SRPK2: variants seen among roughly 807,000 people sequenced by gnomAD.
SRPK2 encodes the protein SRSF protein kinase 2.
Under a neutral mutation model 90.8 loss-of-function variants are expected in SRPK2, and 21 were observed. The ratio of observed to expected loss-of-function variants is 0.23; its 90% CI spans 0.16 to 0.33. The LOEUF (loss-of-function observed/expected upper bound fraction) is 0.33. Among genes scored for constraint, SRPK2 ranks in the 10% least tolerant of loss-of-function variants. SRPK2 has a pLI of 1.00. For synonymous variants in SRPK2, 288 were observed against 311.1 expected, an observed-to-expected ratio of 0.93 and a Z score of 0.78; for missense variants, 620 against 869.0, an observed-to-expected ratio of 0.71 and a Z score of 3.60.
intron 2 of SRPK2, among the ~76,000 whole-genome samples, chr7:105,224,624 AATAAC>A (rs1798497738): frequency 6.6e-6 from 1 of 152,192 alleles, no homozygotes; most frequent in East Asian, 1.9e-4. Context: ...TAATAATAAT[AATAAC>A]TTTAAGATAT....
intron 2 of SRPK2, among the ~76,000 whole-genome samples, chr7:105,344,174 CA>C (rs1254255664): frequency 1.3e-5 from 2 of 152,126 alleles, no homozygotes; most frequent in Non-Finnish European, 2.9e-5. Context: ...GCTTTGTAAG[CA>C]ATATGGTCTC....
rs191199282 is a variant in SRPK2 at position 105,346,646 on chromosome 7, C to T, written c.71+42002G>A. Among the ~76,000 whole-genome samples, 6 of 151,970 alleles carry T rather than the reference C, an allele frequency of 3.9e-5. No individual in the cohort carries two copies. The East Asian group carries it at 1.2e-3, about 29-fold the overall frequency. On this transcript the variant is annotated intron_variant, in intron 2 of 15. Transcript: ENST00000393651. ...GTGTGCGCCTGTAGTCCCAGCTACT[C>T]GGAAGGCTGAGGCAGAAGAACTGAT...
intron 2 of SRPK2, among the ~76,000 whole-genome samples, chr7:105,331,729 T>C (rs955829087): frequency 6.6e-6 from 1 of 152,012 alleles, no homozygotes; most frequent in Non-Finnish European, 1.5e-5. Context: ...ACAAAAAGTG[T>C]ACGGAAAGTT....
intron 2 of SRPK2, among the ~76,000 whole-genome samples, chr7:105,251,881 T>A (rs1802526355): frequency 6.6e-6 from 1 of 152,194 alleles, no homozygotes; most frequent in Non-Finnish European, 1.5e-5. Context: ...CTAAATTCAG[T>A]GTCGTGGCTT....
chr7:105,229,981 ACTGAACTGGAT>A (rs776917602), intron 2 of SRPK2, among the ~76,000 whole-genome samples: 13 of 152,188 alleles, frequency 8.5e-5, no homozygotes, highest in Admixed American at 2.0e-4. Context: ...AAGACGTGGG[ACTGAACTGGAT>A]CTGACATATA....
At chr7:105,151,860 C>G (rs1373953616) in intron 7 of SRPK2, among the ~76,000 whole-genome samples, 5 of 151,978 alleles carry the variant, frequency 3.3e-5, no homozygotes, top group Non-Finnish European at 7.4e-5. Flanking sequence ...CCCCTCTCTA[C>G]TAAAAATACA....
chr7:105,125,269 A>G lies in SRPK2; in HGVS notation c.1915+979T>C, dbSNP rs569545988. ...AACAGTTGGAAGATCAGTAAGAACT[A>G]CAACATGAAAATAATCACCTTAATA... On this transcript the variant is annotated intron_variant, in intron 15 of 15. Transcript: ENST00000393651. Among the ~76,000 whole-genome samples the G allele has an allele frequency of 2.6e-4, 39 of 152,308 alleles. 1 individual carries two copies. In the South Asian group the frequency reaches 7.7e-3, roughly 30 times the overall value.
chr7:105,151,101 T>A (rs985308335), intron 7 of SRPK2, among the ~76,000 whole-genome samples: 1 of 152,160 alleles, frequency 6.6e-6, no homozygotes, highest in African/African-American at 2.4e-5. Context: ...CAGATTTTTT[T>A]TAAAAAAAAT....
At chr7:105,219,443 T>A (rs1797845576) in intron 2 of SRPK2, among the ~76,000 whole-genome samples, 1 of 152,130 alleles carries the variant, frequency 6.6e-6, no homozygotes, top group African/African-American at 2.4e-5. Context: ...ACAGAATTAC[T>A]TTTTTCACCC....
intron 3 of SRPK2, among the ~76,000 whole-genome samples, chr7:105,171,128 G>C (rs1376802598): frequency 6.6e-6 from 1 of 152,024 alleles, no homozygotes; most frequent in Non-Finnish European, 1.5e-5. Context: ...CAGCTATAGA[G>C]GGCACCCTAT....
chr7:105,276,965 A>G (rs1288454295), intron 2 of SRPK2, among the ~76,000 whole-genome samples: 1 of 151,972 alleles, frequency 6.6e-6, no homozygotes, highest in Non-Finnish European at 1.5e-5. Flanking sequence ...TCCTAACTCT[A>G]CTTCTCCTGC....
At chr7:105,382,246 T>C (rs746522796) in intron 2 of SRPK2, among the ~76,000 whole-genome samples, 23 of 150,196 alleles carry the variant, frequency 1.5e-4, no homozygotes, top group East Asian at 4.1e-4. Context: ...AATGGAATAC[T>C]TGTTACCAAT....
intron 13 of SRPK2, among the ~76,000 whole-genome samples, chr7:105,128,784 A>G (rs945083461): frequency 2.0e-5 from 3 of 152,142 alleles, no homozygotes; most frequent in Non-Finnish European, 4.4e-5. Context: ...GCTGGACTCA[A>G]CCTCTTGGGC....
At chr7:105,242,404 C>T (rs1800934189) in intron 2 of SRPK2, among the ~76,000 whole-genome samples, 2 of 151,968 alleles carry the variant, frequency 1.3e-5, no homozygotes, top group East Asian at 1.9e-4. Flanking sequence ...CCCAGCTACT[C>T]GGGAGGCTGA....
At chr7:105,280,191 G>A (rs1807076073) in intron 2 of SRPK2, among the ~76,000 whole-genome samples, 1 of 152,144 alleles carries the variant, frequency 6.6e-6, no homozygotes, top group African/African-American at 2.4e-5. Flanking sequence ...GAAGTGGGCA[G>A]ATTGCTTCAG....
chr7:105,182,736 G>A (rs527377301), intron 3 of SRPK2, among the ~76,000 whole-genome samples: 1 of 152,254 alleles, frequency 6.6e-6, no homozygotes, highest in Admixed American at 6.5e-5. Flanking sequence ...CCAAAGTGCT[G>A]GGATTACAGG....
intron 7 of SRPK2, among the ~76,000 whole-genome samples, chr7:105,150,447 C>T (rs1022395971): frequency 3.9e-5 from 6 of 152,108 alleles, no homozygotes; most frequent in Non-Finnish European, 7.4e-5. Context: ...AGGCACAAGG[C>T]GGAGGTCACA....
intron 3 of SRPK2, among the ~76,000 whole-genome samples, chr7:105,200,418 A>G (rs914416904): frequency 2.0e-5 from 3 of 152,336 alleles, no homozygotes; most frequent in African/African-American, 4.8e-5. Context: ...ATCAAAACAT[A>G]TAAGGAGAGT....
chr7:105,138,158 A>G (rs1803164182), intron 11 of SRPK2, among the ~76,000 whole-genome samples: 1 of 152,236 alleles, frequency 6.6e-6, no homozygotes, highest in African/African-American at 2.4e-5. Flanking sequence ...GGGAGAAAGG[A>G]AAGAGAAGAA....
Sources: allele counts gnomAD v4.1 joint callset (sites outside exome capture counted in the v4.1 genomes callset), GRCh38; gene constraint gnomAD v4.1.1; transcripts MANE v1.5; gene names NCBI Gene and HGNC (gene_info 2026-07-23, HGNC 2026-07-21).